Variants in POU2F1 observed in about 807,000 individuals in gnomAD.
POU2F1 encodes the protein POU domain, class 2, transcription factor 1.
POU2F1 carries 16 observed loss-of-function variants against 84.9 expected under a neutral mutation model. The observed-to-expected ratio is 0.19, with a 90% CI of 0.13 to 0.29. The LOEUF is 0.29. Ranked by LOEUF, POU2F1 falls within the 10% of genes least tolerant of loss-of-function variation. POU2F1 has a pLI of 1.00. For synonymous variants in POU2F1, 368 were observed against 368.3 expected, an observed-to-expected ratio of 1.00 and a Z score of 0.01; for missense variants, 738 against 942.6, an observed-to-expected ratio of 0.78 and a Z score of 2.84.
chr1:167,378,646 T>C (rs1373832327), intron 7 of POU2F1, among the ~76,000 whole-genome samples: 1 of 152,168 alleles, frequency 6.6e-6, no homozygotes, highest in African/African-American at 2.4e-5. Context: ...TCTCGGGTGA[T>C]CCGCCCACCT....
intron 3 of POU2F1, among the ~76,000 whole-genome samples, chr1:167,368,674 A>G (rs1012523101): frequency 6.6e-6 from 1 of 152,034 alleles, no homozygotes; most frequent in African/African-American, 2.4e-5. Flanking sequence ...TCCTGATTAC[A>G]CTGTATTTTA....
At chr1:167,342,114 T>A (rs1327918924) in intron 2 of POU2F1, among the ~76,000 whole-genome samples, 1 of 152,044 alleles carries the variant, frequency 6.6e-6, no homozygotes, top group Non-Finnish European at 1.5e-5. Flanking sequence ...AAAGGCAACT[T>A]TTGGGCGCAA....
At position 167,394,678 on chromosome 1, in the gene POU2F1, C is replaced by T. The variant is rs149543476; in HGVS notation, c.988-1608C>T. On this transcript the variant is annotated intron_variant, in intron 9 of 15. Transcript: ENST00000367866. The stretch of plus-strand genomic sequence containing the variant: ...GGGTTTTAATTAATTTAAATAGCCA[C>T]TTGTGGCTGGTGGCTATATGGGAAG... Among the ~76,000 whole-genome samples the T allele has an allele frequency of 3.9e-3, 591 of 152,262 alleles. 4 individuals are homozygous for T. The highest frequency in any genetic ancestry group is 0.014 in the African/African-American group (567 of 41,550).
At chr1:167,362,711 G>A (rs1013843863) in intron 2 of POU2F1, among the ~76,000 whole-genome samples, 1 of 152,210 alleles carries the variant, frequency 6.6e-6, no homozygotes. Context: ...CTGTGGGAAA[G>A]TCAGGACAGA....
At chr1:167,258,707 T>C (rs895225569) in intron 1 of POU2F1, among the ~76,000 whole-genome samples, 3 of 152,236 alleles carry the variant, frequency 2.0e-5, no homozygotes, top group South Asian at 2.1e-4. Flanking sequence ...TAGATACTTA[T>C]ATAACAAGAG....
At chr1:167,375,886 A>C in intron 6 of POU2F1, 143 bp from the exon 7 acceptor site, 1 of 1,035,260 alleles carries the variant, frequency 9.7e-7, no homozygotes, top group Non-Finnish European at 1.4e-6. Flanking sequence ...CACACAGAGC[A>C]TACCCTGTTT....
chr1:167,345,439 C>T (rs1658127230), intron 2 of POU2F1, among the ~76,000 whole-genome samples: 1 of 152,054 alleles, frequency 6.6e-6, no homozygotes, highest in Admixed American at 6.5e-5. Flanking sequence ...GAAAACAAAA[C>T]TGGGAATAGA....
chr1:167,420,629 G>A lies in POU2F1; in HGVS notation c.*4819G>A, dbSNP rs1229392315. On this transcript the variant is annotated 3_prime_UTR_variant, in exon 16 of 16. Transcript: ENST00000367866. ...AAAAAAGATAAGGTCATTGAGATAG[G>A]AAGACAGAGGAAAAGCCTCTTGCTG... The A allele has an allele frequency of 6.6e-6, 1 of 152,230 alleles. No individual in the cohort carries two copies. Among genetic ancestry groups the A allele is most frequent in the African/African-American group, 2.4e-5 (1 of 41,444 alleles). 9.4% of individuals were successfully genotyped at this position (152,230 alleles called of 1,614,324 possible).
chr1:167,407,361 A>C (rs1649655162), intron 13 of POU2F1, among the ~76,000 whole-genome samples: 1 of 152,356 alleles, frequency 6.6e-6, no homozygotes, highest in African/African-American at 2.4e-5. Flanking sequence ...CAACAAAATC[A>C]TAGTAAAAAT....
At chr1:167,402,733 A>G (rs570179099) in intron 13 of POU2F1, among the ~76,000 whole-genome samples, 4 of 152,224 alleles carry the variant, frequency 2.6e-5, no homozygotes, top group Admixed American at 6.5e-5. Context: ...GGTTAAGAAT[A>G]TATATAATAT....
At chr1:167,340,869 C>T (rs554325100) in intron 2 of POU2F1, among the ~76,000 whole-genome samples, 50 of 152,140 alleles carry the variant, frequency 3.3e-4, no homozygotes, top group Admixed American at 2.4e-3. Context: ...GAAATTGAGA[C>T]GATTCATGAG....
intron 13 of POU2F1, among the ~76,000 whole-genome samples, chr1:167,404,617 A>G (rs149086641): frequency 1.0e-3 from 153 of 152,280 alleles, no homozygotes; most frequent in African/African-American, 3.5e-3. Flanking sequence ...GAGGTCTGGT[A>G]GAAGGAGGGA....
At chr1:167,388,458 G>A (rs1557949258) in intron 8 of POU2F1, among the ~76,000 whole-genome samples, 1 of 152,008 alleles carries the variant, frequency 6.6e-6, no homozygotes, top group Non-Finnish European at 1.5e-5. Context: ...TACACACATA[G>A]GTGGAAAAAA....
At chr1:167,251,443 T>C (rs1233425221) in intron 1 of POU2F1, among the ~76,000 whole-genome samples, 1 of 152,142 alleles carries the variant, frequency 6.6e-6, no homozygotes, top group African/African-American at 2.4e-5. Context: ...AAGCTAATCT[T>C]GAATTCATTT....
At chr1:167,266,771 G>A (rs1055026771) in intron 1 of POU2F1, among the ~76,000 whole-genome samples, 10 of 151,858 alleles carry the variant, frequency 6.6e-5, no homozygotes, top group African/African-American at 2.4e-5. Flanking sequence ...TTACAGGCAC[G>A]TGCCACCACA....
At chr1:167,233,112 C>T (rs1649186113) in intron 1 of POU2F1, among the ~76,000 whole-genome samples, 1 of 150,462 alleles carries the variant, frequency 6.6e-6, no homozygotes, top group South Asian at 2.1e-4. Flanking sequence ...TATACTTTTT[C>T]TGTGTTTAAA....
At chr1:167,240,241 T>C (rs1649800597) in intron 1 of POU2F1, among the ~76,000 whole-genome samples, 1 of 152,222 alleles carries the variant, frequency 6.6e-6, no homozygotes, top group South Asian at 2.1e-4. Context: ...TCAATTCATG[T>C]AGAATAAGGG....
chr1:167,287,680 A>G (rs886104480), intron 1 of POU2F1, among the ~76,000 whole-genome samples: 4 of 152,232 alleles, frequency 2.6e-5, no homozygotes, highest in African/African-American at 9.6e-5. Flanking sequence ...GAGGTTCAAA[A>G]TGAATCTAAT....
Position 167,346,012 on chromosome 1 carries a change from A to C in POU2F1, c.127+13477A>C, listed in dbSNP as rs1189111912. On this transcript the variant is annotated intron_variant, in intron 2 of 15. Transcript: ENST00000367866. ...CCGCATGTCTACAAAAAAAAAAAAA[A>C]AAACTTAAAAAAATTAACTGGGCAT... Among the ~76,000 whole-genome samples the C allele has an allele frequency of 3.3e-5, 5 of 151,968 alleles. No individual in the cohort carries two copies. The East Asian group carries it at 9.7e-4, about 29-fold the overall frequency.
Sources: gnomAD v4.1 joint callset for allele counts (sites outside exome capture counted in the v4.1 genomes callset) on GRCh38, gnomAD v4.1.1 for gene constraint, MANE v1.5 for transcripts, NCBI Gene and HGNC (gene_info 2026-07-23, HGNC 2026-07-21) for gene names.